QTMAN: variants seen among roughly 807,000 people sequenced by gnomAD.
The protein encoded by QTMAN is tRNA-queuosine alpha-mannosyltransferase.
At chr2:144,208,731 C>G in the QTMAN span, 2 of 1,613,782 alleles carry the variant, frequency 1.2e-6, no homozygotes, top group Non-Finnish European at 1.7e-6. Context: ...GAAGATCCAC[C>G]AGCTGTTTAT....
the QTMAN span, among the ~76,000 whole-genome samples, chr2:144,266,057 G>C: frequency 6.6e-6 from 1 of 152,192 alleles, no homozygotes; most frequent in Non-Finnish European, 1.5e-5. Context: ...AATTTGAGGT[G>C]AAATAATTCT....
At chr2:144,077,463 C>A in the QTMAN span, among the ~76,000 whole-genome samples, 1 of 152,202 alleles carries the variant, frequency 6.6e-6, no homozygotes, top group East Asian at 1.9e-4. Context: ...TTATCTATAC[C>A]TCCAGATACT....
the QTMAN span, among the ~76,000 whole-genome samples, chr2:144,332,781 G>A: frequency 2.6e-5 from 4 of 152,222 alleles, no homozygotes; most frequent in East Asian, 7.8e-4. Context: ...ACCTCCCTGT[G>A]CGCCCTTTCC....
chr2:143,946,046 T>G, the QTMAN span: 1 of 152,174 alleles, frequency 6.6e-6, no homozygotes, highest in Non-Finnish European at 1.5e-5. Flanking sequence ...TATTAAGAAT[T>G]TATTTTACCA....
the QTMAN span, among the ~76,000 whole-genome samples, chr2:143,947,511 G>A: frequency 6.6e-6 from 1 of 152,044 alleles, no homozygotes; most frequent in Non-Finnish European, 1.5e-5. Context: ...AGTTTCTGCC[G>A]TGAATTTTAC....
chr2:144,177,568 T>C, the QTMAN span, among the ~76,000 whole-genome samples: 9 of 152,296 alleles, frequency 5.9e-5, no homozygotes, highest in East Asian at 3.9e-4. Context: ...AACTGAGTTG[T>C]TGAGTCAACT....
At chr2:144,149,456 C>A in the QTMAN span, among the ~76,000 whole-genome samples, 1 of 152,016 alleles carries the variant, frequency 6.6e-6, no homozygotes. Context: ...TGGATTAGTA[C>A]TTATTACCAT....
chr2:143,956,415 T>TTAGA, the QTMAN span, among the ~76,000 whole-genome samples: 6 of 152,142 alleles, frequency 3.9e-5, no homozygotes, highest in African/African-American at 1.4e-4. Flanking sequence ...ACAGAAACAC[T>TTAGA]TAGATATATC....
chr2:144,141,652 TAAAAGAAAAG>T, the QTMAN span, among the ~76,000 whole-genome samples: 7 of 141,104 alleles, frequency 5.0e-5, no homozygotes, highest in Admixed American at 3.5e-4. Flanking sequence ...AACAAATAAA[TAAAAGAAAAG>T]AAAAGAAAAG....
At chr2:144,289,572 G>A in the QTMAN span, among the ~76,000 whole-genome samples, 1 of 152,202 alleles carries the variant, frequency 6.6e-6, no homozygotes, top group East Asian at 1.9e-4. Context: ...ATCCAGTGGG[G>A]ATAGTGAGGG....
the QTMAN span, among the ~76,000 whole-genome samples, chr2:144,036,067 T>C: frequency 3.3e-5 from 5 of 152,228 alleles, no homozygotes; most frequent in Non-Finnish European, 7.3e-5. Flanking sequence ...TTAACTGGGC[T>C]CCTTTTGTAC....
At chr2:144,054,169 C>T in the QTMAN span, among the ~76,000 whole-genome samples, 2 of 151,984 alleles carry the variant, frequency 1.3e-5, no homozygotes, top group African/African-American at 2.4e-5. Context: ...GCCTGGGCGA[C>T]AGAGTGAGAC....
At chr2:144,061,247 C>A in the QTMAN span, among the ~76,000 whole-genome samples, 209 of 152,216 alleles carry the variant, frequency 1.4e-3, 2 homozygotes, top group African/African-American at 4.8e-3. Flanking sequence ...CAGGAACTCT[C>A]CTCTCCTCTT....
At chr2:144,163,945 G>A in the QTMAN span, among the ~76,000 whole-genome samples, 1 of 149,850 alleles carries the variant, frequency 6.7e-6, no homozygotes, top group African/African-American at 2.5e-5. Context: ...GTTTGTTTGA[G>A]ACAGAGTATT....
At chr2:144,141,599 AAAAG>A in the QTMAN span, among the ~76,000 whole-genome samples, 336 of 150,594 alleles carry the variant, frequency 2.2e-3, no homozygotes, top group Non-Finnish European at 3.7e-3. Context: ...AAAAAAAAAA[AAAAG>A]AAAGAAAGAA....
chr2:144,316,268 T>C, the QTMAN span, among the ~76,000 whole-genome samples: 1 of 151,898 alleles, frequency 6.6e-6, no homozygotes, highest in African/African-American at 2.4e-5. Flanking sequence ...TAAGGCCTTG[T>C]TCCTAACCAA....
the QTMAN span, among the ~76,000 whole-genome samples, chr2:143,984,191 T>C: frequency 6.6e-6 from 1 of 152,222 alleles, no homozygotes; most frequent in Non-Finnish European, 1.5e-5. Flanking sequence ...GGGAGTAAAC[T>C]GTTATTTTCC....
chr2:144,101,437 T>C, the QTMAN span, among the ~76,000 whole-genome samples: 1 of 152,064 alleles, frequency 6.6e-6, no homozygotes, highest in Non-Finnish European at 1.5e-5. Flanking sequence ...GAAATGTATC[T>C]AATTGTTAAA....
the QTMAN span, among the ~76,000 whole-genome samples, chr2:144,312,474 T>C: frequency 1.3e-5 from 2 of 152,168 alleles, no homozygotes; most frequent in Non-Finnish European, 2.9e-5. Flanking sequence ...AAAAAAGTCA[T>C]GCCTTCTTAA....
Sources: allele counts gnomAD v4.1 joint callset (sites outside exome capture counted in the v4.1 genomes callset), GRCh38; gene constraint gnomAD v4.1.1; transcripts MANE v1.5; gene names NCBI Gene and HGNC (gene_info 2026-07-23, HGNC 2026-07-21).